UBA2: variants seen among roughly 807,000 people sequenced by gnomAD.
UBA2 encodes ubiquitin like modifier activating enzyme 2, also known as SUMO-activating enzyme subunit 2.
Under a neutral mutation model 77.2 loss-of-function variants are expected in UBA2, and 11 were observed. The observed-to-expected ratio is 0.14, with a 90% CI of 0.09 to 0.24. The LOEUF (loss-of-function observed/expected upper bound fraction) is 0.24. Among genes scored for constraint, UBA2 ranks in the 10% least tolerant of loss-of-function variants. UBA2 has a pLI of 1.00. For synonymous variants in UBA2, 278 were observed against 276.7 expected (o/e 1.00, Z -0.05); for missense variants, 487 against 781.7 (o/e 0.62, Z 4.50).
At chr19:34,462,647 G>A (rs545509450) in intron 14 of UBA2, among the ~76,000 whole-genome samples, 1 of 152,180 alleles carries the variant, frequency 6.6e-6, no homozygotes, top group Admixed American at 6.5e-5. Flanking sequence ...AAAAAAAAGT[G>A]GGGGGAGACT....
chr19:34,429,074 C>T (rs1393242039), intron 1 of UBA2: 2 of 984,930 alleles, frequency 2.0e-6, no homozygotes, highest in African/African-American at 3.5e-5. Context: ...TCATACCACC[C>T]GAGGAGTGCA....
At chr19:34,448,544 A>C (rs965787059) in intron 8 of UBA2, among the ~76,000 whole-genome samples, 1 of 152,142 alleles carries the variant, frequency 6.6e-6, no homozygotes, top group Non-Finnish European at 1.5e-5. Context: ...TCAGTGAGCT[A>C]TGGTCACACC....
At chr19:34,465,163 G>T (rs1283003645) in intron 15 of UBA2, among the ~76,000 whole-genome samples, 1 of 152,182 alleles carries the variant, frequency 6.6e-6, no homozygotes, top group Non-Finnish European at 1.5e-5. Flanking sequence ...CATTGACATG[G>T]TGGAACTGTG....
intron 16 of UBA2, among the ~76,000 whole-genome samples, chr19:34,468,608 G>C (rs978342675): frequency 2.0e-5 from 3 of 152,212 alleles, no homozygotes; most frequent in African/African-American, 7.2e-5. Flanking sequence ...CTGGAAAGCA[G>C]ATACTCATGT....
intron 10 of UBA2, among the ~76,000 whole-genome samples, chr19:34,453,646 C>T (rs1261201427): frequency 6.6e-6 from 1 of 151,506 alleles, no homozygotes. Context: ...ACCTCAGGCT[C>T]CCGAGTACCT....
chr19:34,458,150 G>T (rs2075588583), intron 12 of UBA2, among the ~76,000 whole-genome samples: 1 of 152,190 alleles, frequency 6.6e-6, no homozygotes, highest in African/African-American at 2.4e-5. Flanking sequence ...AGATTAACAT[G>T]CCTGTGCCCT....
At chr19:34,458,282 G>A (rs1239155628) in intron 12 of UBA2, among the ~76,000 whole-genome samples, 15 of 152,132 alleles carry the variant, frequency 9.9e-5, no homozygotes, top group East Asian at 3.8e-4. Flanking sequence ...GAGGCCGGGC[G>A]CGGTGGCTCA....
chr19:34,438,189 G>A (rs1481663021), intron 5 of UBA2, among the ~76,000 whole-genome samples: 2 of 149,488 alleles, frequency 1.3e-5, no homozygotes, highest in East Asian at 2.0e-4. Flanking sequence ...TAAGGATATG[G>A]CTGTATTCCC....
At chr19:34,454,172 T>C in intron 10 of UBA2, 88 bp from the exon 11 acceptor site, 1 of 1,190,286 alleles carries the variant, frequency 8.4e-7, no homozygotes, top group Non-Finnish European at 1.2e-6. Context: ...TATAGTATTA[T>C]AAACACGTGA....
rs2075506789 is a variant in UBA2 at position 34,452,079 on chromosome 19, A to G, written c.970A>G (p.Lys324Glu). The G allele has an allele frequency of 6.2e-7, 1 of 1,610,800 alleles. No individual in the cohort carries two copies. Among genetic ancestry groups the G allele is most frequent in the Admixed American group, 1.7e-5 (1 of 59,890 alleles). ...DVKSYARLFS[K>E]SIETLRVHLA... is the part of the protein sequence containing the mutation. ...AAAGAGCTATGCACGTCTTTTTTCA[A>G]AGAGCATCGAGACTTTGAGAGTTCA... The change falls in exon 10 of 17, where the codon AAG becomes GAG. Residue 324 changes from lysine to glutamate, a missense_variant. Physicochemically the swap from Lys to Glu is moderately conservative, Grantham distance 56 (BLOSUM62 1). Transcript: ENST00000246548.
intron 6 of UBA2, 124 bp downstream of exon 6, chr19:34,438,890 TA>T: frequency 7.7e-7 from 1 of 1,300,718 alleles, no homozygotes; most frequent in East Asian, 2.4e-5. Context: ...GATGCTTTAG[TA>T]GCTTTCTTGC....
chr19:34,428,871 C>G, intron 1 of UBA2: 1 of 1,063,938 alleles, frequency 9.4e-7, no homozygotes, highest in Non-Finnish European at 1.1e-6. Flanking sequence ...TCTTATCCTC[C>G]CTTCAAAACA....
At chr19:34,435,599 G>A (rs1321872382) in intron 5 of UBA2, among the ~76,000 whole-genome samples, 1 of 151,220 alleles carries the variant, frequency 6.6e-6, no homozygotes. Flanking sequence ...GGAGGCTGAG[G>A]TAGGCAGATG....
chr19:34,450,864 C>A (rs370384328), intron 9 of UBA2, among the ~76,000 whole-genome samples: 2 of 151,394 alleles, frequency 1.3e-5, no homozygotes, highest in Non-Finnish European at 2.9e-5. Context: ...CTCAGCCTCC[C>A]GAGTAGCTGG....
At position 34,458,887 on chromosome 19, in the gene UBA2, A is replaced by G. The variant is rs1227103548; in HGVS notation, c.1364A>G (p.Asn455Ser). ...ASKPEVTVRL[N>S]VHKVTVLTLQ... ...AAGCCAGAGGTGACTGTGCGGCTGA[A>G]TGTCCATAAAGTGACTGTTCTCACC... Residue 455 changes from asparagine (N) to serine (S), a missense_variant, in exon 13 of 17, where the codon AAT becomes AGT. Transcript: ENST00000246548. The G allele has an allele frequency of 1.2e-6, 2 of 1,613,988 alleles. No individual in the cohort carries two copies. Among genetic ancestry groups the G allele is most frequent in the African/African-American group, 1.3e-5 (1 of 74,922 alleles).
chr19:34,465,013 G>C (rs2075672666), intron 15 of UBA2, among the ~76,000 whole-genome samples: 1 of 152,118 alleles, frequency 6.6e-6, no homozygotes, highest in Admixed American at 6.5e-5. Context: ...ACTCCAGGCT[G>C]GGTGACAAGA....
At chr19:34,428,912 G>T in intron 1 of UBA2, 1 of 1,004,666 alleles carries the variant, frequency 1.0e-6, no homozygotes, top group Non-Finnish European at 1.2e-6. Flanking sequence ...TGCGGGAGAG[G>T]ATTGAGTCCC....
intron 4 of UBA2, among the ~76,000 whole-genome samples, chr19:34,433,783 A>C (rs558043951): frequency 6.6e-6 from 1 of 152,262 alleles, no homozygotes; most frequent in East Asian, 1.9e-4. Context: ...AACATGGTGA[A>C]ACCGTCTCTA....
At chr19:34,430,472 A>C (rs1455659101) in intron 1 of UBA2, 104 bp from the exon 2 acceptor site, 3 of 738,578 alleles carry the variant, frequency 4.1e-6, no homozygotes, top group Non-Finnish European at 6.8e-6. Flanking sequence ...TTCTCCACTA[A>C]TGTAGCAGAT....
Sources: gnomAD v4.1 joint callset for allele counts (sites outside exome capture counted in the v4.1 genomes callset) on GRCh38, gnomAD v4.1.1 for gene constraint, MANE v1.5 for transcripts, NCBI Gene and HGNC (gene_info 2026-07-23, HGNC 2026-07-21) for gene names.